NKAIN3: variants seen among roughly 807,000 people sequenced by gnomAD.
The protein encoded by NKAIN3 is sodium/potassium-transporting ATPase subunit beta-1-interacting protein 3.
NKAIN3 carries 25 observed loss-of-function variants against 30.2 expected under a neutral mutation model. That is an observed-to-expected ratio of 0.83 (90% CI 0.60 to 1.16). NKAIN3 has a LOEUF of 1.16. NKAIN3 is among the 50% of genes most tolerant of loss of function. The probability of loss-of-function intolerance (pLI) is 0.00; values close to 1 mark genes in which losing one functional copy is unlikely to be tolerated. For synonymous variants in NKAIN3, 91 were observed against 89.6 expected, an observed-to-expected ratio of 1.02 and a Z score of -0.09; for missense variants, 225 against 254.1, an observed-to-expected ratio of 0.89 and a Z score of 0.78.
intron 4 of NKAIN3, among the ~76,000 whole-genome samples, chr8:62,869,418 A>G (rs776277533): frequency 3.9e-5 from 6 of 152,208 alleles, no homozygotes; most frequent in African/African-American, 7.2e-5. Flanking sequence ...GAGTGAGAAC[A>G]TGCGGTGTTT....
intron 4 of NKAIN3, among the ~76,000 whole-genome samples, chr8:62,849,824 T>A (rs1355929648): frequency 6.6e-6 from 1 of 152,086 alleles, no homozygotes; most frequent in Non-Finnish European, 1.5e-5. Context: ...ATGGTGTATA[T>A]GTGCCACATT....
intron 3 of NKAIN3, among the ~76,000 whole-genome samples, chr8:62,622,558 G>A (rs1050746131): frequency 6.6e-6 from 1 of 151,924 alleles, no homozygotes; most frequent in Admixed American, 6.6e-5. Flanking sequence ...ATCTTTTCAT[G>A]TGCTTATTTG....
intron 1 of NKAIN3, among the ~76,000 whole-genome samples, chr8:62,380,015 T>C (rs186087730): frequency 3.5e-4 from 54 of 152,290 alleles, no homozygotes; most frequent in African/African-American, 1.2e-3. Flanking sequence ...GGCAATTCAA[T>C]GTATTTAAGG....
At position 62,303,913 on chromosome 8, in the gene NKAIN3, G is replaced by T. The variant is rs544742116; in HGVS notation, c.54+54786G>T. Among the ~76,000 whole-genome samples, 3 of 150,674 alleles carry T rather than the reference G, an allele frequency of 2.0e-5. No homozygotes were observed. The South Asian group carries it at 6.2e-4, about 31-fold the overall frequency. ...TACTATAAGTTTAATTTCTAAGGAA[G>T]TATTTGATAATCTTCTACATCTAAT... On this transcript the variant is annotated intron_variant, in intron 1 of 6. Coordinates refer to ENST00000623646, the MANE Select transcript of NKAIN3 (RefSeq NM_001304533.3).
At chr8:62,643,776 A>G (rs1812379432) in intron 3 of NKAIN3, among the ~76,000 whole-genome samples, 1 of 152,098 alleles carries the variant, frequency 6.6e-6, no homozygotes, top group South Asian at 2.1e-4. Flanking sequence ...TCTATCTCTT[A>G]AGAGCTTTTC....
chr8:62,843,777 T>C (rs1819597423), intron 4 of NKAIN3, among the ~76,000 whole-genome samples: 1 of 152,122 alleles, frequency 6.6e-6, no homozygotes. Context: ...AATAGAGTGC[T>C]TTTTCACGCA....
In NKAIN3 at chr8:62,395,078, G is replaced by A. The variant is rs1446490094; in HGVS notation, c.54+145951G>A. On this transcript the variant is annotated intron_variant, in intron 1 of 6. Coordinates refer to ENST00000623646, the MANE Select transcript of NKAIN3 (RefSeq NM_001304533.3). ...CCAGACGGTGGGTCGGCCAGGCAGAGGCGCTCATCACTTCTCAGATGATGG... is the reference window on the plus strand; with the variant it reads ...CCAGACGGTGGGTCGGCCAGGCAGAAGCGCTCATCACTTCTCAGATGATGG... Among the ~76,000 whole-genome samples, 4 of 151,090 alleles carry A rather than the reference G, an allele frequency of 2.6e-5. No homozygotes were observed. In the East Asian group the frequency reaches 7.8e-4, roughly 30 times the overall value.
intron 1 of NKAIN3, among the ~76,000 whole-genome samples, chr8:62,508,069 G>T (rs960144407): frequency 6.6e-6 from 1 of 152,182 alleles, no homozygotes; most frequent in African/African-American, 2.4e-5. Flanking sequence ...GTTATTCCTT[G>T]CAGGAAATAA....
At chr8:62,474,415 A>G (rs1251577943) in intron 1 of NKAIN3, 1 of 152,196 alleles carries the variant, frequency 6.6e-6, no homozygotes, top group Non-Finnish European at 1.5e-5. Flanking sequence ...GTGTGCTGGC[A>G]GGTCACTTTT....
intron 1 of NKAIN3, among the ~76,000 whole-genome samples, chr8:62,403,437 T>G (rs898090264): frequency 2.0e-5 from 3 of 152,140 alleles, no homozygotes; most frequent in Admixed American, 6.5e-5. Context: ...GCCCAGAGGC[T>G]TAAAAGGAAA....
In NKAIN3 at chr8:62,856,570, G is replaced by T. The variant is rs182652352; in HGVS notation, c.472-61883G>T. On this transcript the variant is annotated intron_variant, in intron 4 of 6. Coordinates refer to ENST00000623646, the MANE Select transcript of NKAIN3 (RefSeq NM_001304533.3). ...GGCTTAGGCACTGTCATTGCCATGG[G>T]GTTGTCTTCATTGGTGAACAGCATG... 6.4e-6 allele frequency: 5 copies of T among 784,472 alleles called. No individual in the cohort carries two copies. The East Asian group carries it at 9.8e-5, about 15-fold the overall frequency. 48.6% of individuals were successfully genotyped at this position (784,472 alleles called of 1,614,324 possible). A position where few individuals can be genotyped will look rare whatever the true frequency, so the allele number is the denominator to read the frequency against.
At chr8:62,804,543 C>A (rs1373422898) in intron 4 of NKAIN3, among the ~76,000 whole-genome samples, 1 of 152,146 alleles carries the variant, frequency 6.6e-6, no homozygotes, top group Admixed American at 6.6e-5. Context: ...GAACCAAAGA[C>A]AAAAACCACA....
At chr8:62,724,005 C>T (rs1033542976) in intron 3 of NKAIN3, among the ~76,000 whole-genome samples, 1 of 152,056 alleles carries the variant, frequency 6.6e-6, no homozygotes, top group African/African-American at 2.4e-5. Flanking sequence ...CTTCACATCA[C>T]TTTGTGTTAT....
At chr8:62,582,358 G>T (rs1248060726) in intron 2 of NKAIN3, among the ~76,000 whole-genome samples, 1 of 152,134 alleles carries the variant, frequency 6.6e-6, no homozygotes, top group Non-Finnish European at 1.5e-5. Context: ...ACCTTACAGT[G>T]CAATGAAGAG....
intron 1 of NKAIN3, among the ~76,000 whole-genome samples, chr8:62,292,668 A>G (rs1585643596): frequency 6.6e-6 from 1 of 152,062 alleles, no homozygotes; most frequent in African/African-American, 2.4e-5. Context: ...TGCTCTTAAC[A>G]ATTTTTTCCT....
chr8:62,594,211 C>G (rs2130120997), intron 3 of NKAIN3, among the ~76,000 whole-genome samples: 1 of 152,096 alleles, frequency 6.6e-6, no homozygotes, highest in Middle Eastern at 3.4e-3. Context: ...GCTAATCTTA[C>G]TCAAACTCCT....
chr8:62,270,324 ATCCT>A (rs1412706499), intron 1 of NKAIN3, among the ~76,000 whole-genome samples: 1 of 152,082 alleles, frequency 6.6e-6, no homozygotes, highest in Admixed American at 6.6e-5. Flanking sequence ...TCAAGCAGTC[ATCCT>A]TCCTTGGCCT....
intron 1 of NKAIN3, among the ~76,000 whole-genome samples, chr8:62,293,370 A>G (rs1437109941): frequency 3.9e-5 from 6 of 152,004 alleles, no homozygotes; most frequent in Non-Finnish European, 1.5e-5. Context: ...TTGCTGTTTT[A>G]TCTACCTTTG....
At chr8:62,506,357 T>C (rs1193812693) in intron 1 of NKAIN3, among the ~76,000 whole-genome samples, 1 of 152,084 alleles carries the variant, frequency 6.6e-6, no homozygotes, top group East Asian at 1.9e-4. Flanking sequence ...ACCCCTCCCG[T>C]AAAACAACAG....
Sources: gnomAD v4.1 joint callset for allele counts (sites outside exome capture counted in the v4.1 genomes callset) on GRCh38, gnomAD v4.1.1 for gene constraint, MANE v1.5 for transcripts, NCBI Gene and HGNC (gene_info 2026-07-23, HGNC 2026-07-21) for gene names.